The following SFI1 variants were observed in gnomAD, a reference collection of about 807,000 sequenced individuals.
SFI1 encodes protein SFI1 homolog.
SFI1 carries 195 observed loss-of-function variants against 207.5 expected under a neutral mutation model. The observed-to-expected ratio is 0.94, with a 90% CI of 0.84 to 1.06. SFI1 has a LOEUF of 1.06. Ranked by LOEUF, SFI1 falls within the 50% of genes least tolerant of loss-of-function variation. The probability of loss-of-function intolerance (pLI) is 0.00; values close to 1 mark genes in which losing one functional copy is unlikely to be tolerated. For synonymous variants in SFI1, 630 were observed against 598.9 expected (o/e 1.05, Z -0.76); for missense variants, 1,634 against 1,588.0 (o/e 1.03, Z -0.49).
chr22:31,603,630 C>A, intron 17 of SFI1, 114 bp from the exon 18 acceptor site: 1 of 823,408 alleles, frequency 1.2e-6, no homozygotes, highest in Non-Finnish European at 1.7e-6. Flanking sequence ...CAGAGAGGGT[C>A]TTGGCTCCCC....
intron 1 of SFI1, among the ~76,000 whole-genome samples, chr22:31,505,299 TGTG>T (rs2054451506): frequency 2.6e-5 from 4 of 151,864 alleles, no homozygotes; most frequent in South Asian, 4.2e-4. Flanking sequence ...AGTAGCCAGT[TGTG>T]GTGGTGCATT....
chr22:31,568,558 C>CATT, intron 8 of SFI1, among the ~76,000 whole-genome samples: 1 of 117,554 alleles, frequency 8.5e-6, no homozygotes, highest in African/African-American at 3.4e-5. Context: ...AAAAAAAAAG[C>CATT]ATTAGAAGCA....
At chr22:31,526,967 G>C (rs1463075613) in intron 2 of SFI1, among the ~76,000 whole-genome samples, 1 of 152,034 alleles carries the variant, frequency 6.6e-6, no homozygotes, top group African/African-American at 2.4e-5. Context: ...CAATGGCATG[G>C]CTCACCGCAA....
intron 5 of SFI1, among the ~76,000 whole-genome samples, chr22:31,549,965 TG>T (rs2060475413): frequency 6.6e-6 from 1 of 152,096 alleles, no homozygotes; most frequent in Non-Finnish European, 1.5e-5. Context: ...AGTCTTGCTC[TG>T]TTGTCCAGGC....
intron 8 of SFI1, among the ~76,000 whole-genome samples, chr22:31,564,445 TC>T (rs2062048549): frequency 6.6e-6 from 1 of 151,620 alleles, no homozygotes; most frequent in African/African-American, 2.4e-5. Flanking sequence ...AGCCAAGTAC[TC>T]AACACCCTCA....
At chr22:31,604,006 A>G (rs117228493) in intron 18 of SFI1, among the ~76,000 whole-genome samples, 187 bp downstream of exon 18, 579 of 152,352 alleles carry the variant, frequency 3.8e-3, no homozygotes, top group Admixed American at 5.9e-3. Flanking sequence ...GTGTTCTTTC[A>G]GATCCTAGGC....
At chr22:31,500,609 C>T (rs1240884489) in intron 1 of SFI1, among the ~76,000 whole-genome samples, 2 of 152,040 alleles carry the variant, frequency 1.3e-5, no homozygotes, top group Non-Finnish European at 2.9e-5. Flanking sequence ...AGGCACCTGC[C>T]ACTACACCCA....
At chr22:31,584,364 TTAAA>T (rs1363691753) in intron 13 of SFI1, among the ~76,000 whole-genome samples, 3 of 152,168 alleles carry the variant, frequency 2.0e-5, no homozygotes, top group African/African-American at 4.8e-5. Context: ...AGTCATTCAG[TTAAA>T]TAAATAAAAA....
intron 6 of SFI1, among the ~76,000 whole-genome samples, chr22:31,556,564 A>G (rs1458382747): frequency 6.6e-6 from 1 of 152,160 alleles, no homozygotes; most frequent in Non-Finnish European, 1.5e-5. Flanking sequence ...TGTATCCATT[A>G]CCCAGCTTTG....
At position 31,617,034 on chromosome 22, in the gene SFI1, C is replaced by A. The variant is rs2071671373; in HGVS notation, c.3468C>A (p.Ile1156=). 6.2e-7 allele frequency: 1 copy of A among 1,613,946 alleles called. No individual in the cohort carries two copies. The highest frequency in any genetic ancestry group is 1.3e-5 in the African/African-American group (1 of 74,920). The change falls in exon 31 of 33, where the codon ATC becomes ATA. Residue 1156 remains isoleucine (I), a synonymous_variant. Coordinates refer to ENST00000400288, the MANE Select transcript of SFI1 (RefSeq NM_001007467.3). Reference sequence around the variant, plus strand: ...ACCTTGAGGCTGAACTTGAGGAGATCCAGCAGCAACTACTGCACTACCAGA... The same window carrying A: ...ACCTTGAGGCTGAACTTGAGGAGATACAGCAGCAACTACTGCACTACCAGA... The part of the protein sequence containing the change: ...SLDLEAELEE[I]QQQLLHYQTT...
At chr22:31,604,696 C>A in intron 19 of SFI1, 173 bp from the exon 20 acceptor site, 1 of 609,656 alleles carries the variant, frequency 1.6e-6, no homozygotes, top group Non-Finnish European at 2.9e-6. Context: ...GACAGTTTCT[C>A]CCTGTCGTCT....
chr22:31,585,532 G>A (rs1302781321), intron 14 of SFI1, among the ~76,000 whole-genome samples: 1 of 152,188 alleles, frequency 6.6e-6, no homozygotes, highest in Non-Finnish European at 1.5e-5. Context: ...CGGGGGTGGA[G>A]GATGTGAGGT....
chr22:31,547,027 A>G, intron 5 of SFI1, 56 bp downstream of exon 5: 1 of 1,283,774 alleles, frequency 7.8e-7, no homozygotes, highest in Admixed American at 2.0e-5. Flanking sequence ...TCAGATGATT[A>G]TTTGTTGGCG....
Position 31,593,546 on chromosome 22 carries a change from A to G in SFI1, c.1544+3969A>G, listed in dbSNP as rs1396134606. On this transcript the variant is annotated intron_variant, in intron 15 of 32. Transcript: ENST00000400288. ...CAGGCAGAGGGGCTCCTCACATCCC[A>G]GACGATGGGCGGCCAGGCAGAGACA... Among the ~76,000 whole-genome samples the G allele has an allele frequency of 2.8e-3, 343 of 122,892 alleles. 5 individuals carry two copies. Among genetic ancestry groups the G allele is most frequent in the African/African-American group, 0.011 (334 of 31,608 alleles). The allele number at this position is 122,892 out of a possible 152,430, so 80.6% of individuals were successfully genotyped here. A position where few individuals can be genotyped will look rare whatever the true frequency, so the allele number is the denominator to read the frequency against.
intron 8 of SFI1, among the ~76,000 whole-genome samples, chr22:31,571,151 CTTTG>C (rs768374278): frequency 1.0e-3 from 159 of 152,266 alleles, no homozygotes; most frequent in Non-Finnish European, 1.9e-3. Context: ...AGGGGTGTTG[CTTTG>C]TTTGTTTAAG....
chr22:31,603,501 T>C (rs1217071663), intron 17 of SFI1, among the ~76,000 whole-genome samples: 4 of 152,190 alleles, frequency 2.6e-5, no homozygotes, highest in Admixed American at 6.5e-5. Context: ...AGTTTCTCAG[T>C]TGGGGGCTTC....
intron 31 of SFI1, among the ~76,000 whole-genome samples, chr22:31,617,511 A>C (rs1038119986): frequency 2.6e-5 from 4 of 152,148 alleles, no homozygotes; most frequent in Admixed American, 6.5e-5. Context: ...TCACGGGGTT[A>C]GGAGTTCAAG....
Position 31,614,637 on chromosome 22 carries a change from A to G in SFI1, c.2997-152A>G, listed in dbSNP as rs748215114. 2.7e-5 allele frequency: 22 copies of G among 818,424 alleles called. No individual in the cohort carries two copies. In the East Asian group the frequency reaches 5.5e-4, roughly 21 times the overall value. 50.7% of individuals were successfully genotyped at this position (818,424 alleles called of 1,614,324 possible). A position where few individuals can be genotyped will look rare whatever the true frequency, so the allele number is the denominator to read the frequency against. On this transcript the variant is annotated intron_variant, in intron 27 of 32. Coordinates refer to ENST00000400288, the MANE Select transcript of SFI1 (RefSeq NM_001007467.3). ...TTTTGTCGGAACTGCTGGGAGCTCT[A>G]TGGCCCAGGCCCACCCCAGCTTACT...
At chr22:31,527,843 G>C (rs2058080824) in intron 2 of SFI1, among the ~76,000 whole-genome samples, 1 of 151,994 alleles carries the variant, frequency 6.6e-6, no homozygotes, top group African/African-American at 2.4e-5. Context: ...GCCGGGAACA[G>C]TGGCTCAAGC....
Sources: allele counts gnomAD v4.1 joint callset (sites outside exome capture counted in the v4.1 genomes callset), GRCh38; gene constraint gnomAD v4.1.1; transcripts MANE v1.5; gene names NCBI Gene and HGNC (gene_info 2026-07-23, HGNC 2026-07-21).